Variants in CDH18 observed in about 807,000 individuals in gnomAD.
The protein encoded by CDH18 is cadherin 18, also known as cadherin-18.
In CDH18, 31 loss-of-function variants were observed where a neutral mutation model predicts 67.9. The ratio of observed to expected loss-of-function variants is 0.46; its 90% CI spans 0.34 to 0.62. CDH18 has a LOEUF of 0.62. CDH18 is among the 20% of genes least tolerant of loss of function. CDH18 has a pLI of 0.01. For missense variants in CDH18, 890 were observed against 975.5 expected, an observed-to-expected ratio of 0.91 and a Z score of 1.17; for synonymous variants, 362 against 347.2, an observed-to-expected ratio of 1.04 and a Z score of -0.48.
intron 1 of CDH18, among the ~76,000 whole-genome samples, chr5:20,480,768 T>C (rs1439705065): frequency 1.3e-5 from 2 of 152,182 alleles, no homozygotes; most frequent in Non-Finnish European, 1.5e-5. Context: ...TCAGCATTAC[T>C]TTTTCATCAG....
At chr5:20,524,407 A>G (rs1351141479) in intron 1 of CDH18, among the ~76,000 whole-genome samples, 1 of 152,202 alleles carries the variant, frequency 6.6e-6, no homozygotes, top group Non-Finnish European at 1.5e-5. Context: ...TCAATTTGTT[A>G]TGGACATTAT....
chr5:19,948,015 G>A (rs188111513), intron 2 of CDH18, among the ~76,000 whole-genome samples: 78 of 152,248 alleles, frequency 5.1e-4, no homozygotes, highest in Admixed American at 8.5e-4. Context: ...CAGTGAGTAC[G>A]TAAGCATTGA....
chr5:19,911,679 C>A (rs1204668012), intron 2 of CDH18, among the ~76,000 whole-genome samples: 2 of 151,286 alleles, frequency 1.3e-5, no homozygotes, highest in African/African-American at 2.4e-5. Flanking sequence ...CACCAGGAAC[C>A]AAATCCACCA....
intron 1 of CDH18, among the ~76,000 whole-genome samples, chr5:20,537,185 A>T (rs1756771950): frequency 6.6e-6 from 1 of 152,160 alleles, no homozygotes; most frequent in Non-Finnish European, 1.5e-5. Flanking sequence ...TAATTTTTTC[A>T]TGCACATATT....
chr5:20,541,034 G>A (rs977886397), intron 1 of CDH18, among the ~76,000 whole-genome samples: 1 of 152,142 alleles, frequency 6.6e-6, no homozygotes. Context: ...GTAGGGCTAC[G>A]TGCTATTTGG....
intron 1 of CDH18, among the ~76,000 whole-genome samples, chr5:20,323,807 A>C (rs1449547928): frequency 6.6e-6 from 1 of 152,222 alleles, no homozygotes; most frequent in Non-Finnish European, 1.5e-5. Context: ...TAAGCACCAG[A>C]GACATTATAG....
intron 5 of CDH18, among the ~76,000 whole-genome samples, chr5:19,661,130 GA>G (rs996482061): frequency 4.1e-5 from 6 of 146,674 alleles, no homozygotes; most frequent in East Asian, 2.1e-4. Flanking sequence ...ATTAGGCTTT[GA>G]AAAAAAAAAG....
At chr5:19,623,566 C>T (rs374930907) in intron 5 of CDH18, among the ~76,000 whole-genome samples, 1 of 151,870 alleles carries the variant, frequency 6.6e-6, no homozygotes, top group East Asian at 1.9e-4. Context: ...TATTCATTGG[C>T]ATATTTTTAT....
intron 7 of CDH18, among the ~76,000 whole-genome samples, chr5:19,590,400 A>G (rs1236285681): frequency 6.6e-6 from 1 of 152,076 alleles, no homozygotes; most frequent in Non-Finnish European, 1.5e-5. Flanking sequence ...AATCAATATA[A>G]AATTATAATT....
chr5:20,564,062 A>T (rs1181036837), intron 1 of CDH18, among the ~76,000 whole-genome samples: 1 of 152,002 alleles, frequency 6.6e-6, no homozygotes, highest in African/African-American at 2.4e-5. Context: ...TCAAAGACTT[A>T]TTCACAACAT....
chr5:20,262,346 A>C (rs1744716322), intron 1 of CDH18, among the ~76,000 whole-genome samples: 1 of 152,234 alleles, frequency 6.6e-6, no homozygotes, highest in African/African-American at 2.4e-5. Flanking sequence ...AGTCCTCTTC[A>C]ATATGTTTTC....
intron 2 of CDH18, among the ~76,000 whole-genome samples, chr5:20,114,613 A>T (rs1343208863): frequency 1.3e-5 from 2 of 152,140 alleles, no homozygotes; most frequent in Non-Finnish European, 2.9e-5. Context: ...TGGAAGAAAA[A>T]AATCATTTTA....
chr5:20,157,856 G>A (rs1165734952), intron 2 of CDH18, among the ~76,000 whole-genome samples: 1 of 151,992 alleles, frequency 6.6e-6, no homozygotes, highest in Non-Finnish European at 1.5e-5. Flanking sequence ...TGGCCAGGAT[G>A]GTCTCGATCT....
rs375797486 is a variant in CDH18, at chr5:19,591,397, T to C, written c.812-153A>G. ...TTTAGATTTTAAAAGTAGACTATTT[T>C]GTAATTAAATACTAGATTTATATAA... On this transcript the variant is annotated intron_variant, in intron 6 of 12. Coordinates refer to ENST00000382275, the MANE Select transcript of CDH18 (RefSeq NM_004934.5). Among the ~76,000 whole-genome samples the C allele has an allele frequency of 2.8e-4, 42 of 152,256 alleles. 1 individual carries two copies. The highest frequency in any genetic ancestry group is 8.4e-4 in the African/African-American group (35 of 41,586).
chr5:19,734,996 T>A (rs1427474480), intron 4 of CDH18, among the ~76,000 whole-genome samples: 1 of 152,182 alleles, frequency 6.6e-6, no homozygotes, highest in African/African-American at 2.4e-5. Flanking sequence ...CTGGTGTGGC[T>A]TTGTTGCAAG....
chr5:20,034,342 G>A (rs560460280), intron 2 of CDH18, among the ~76,000 whole-genome samples: 138 of 152,016 alleles, frequency 9.1e-4, no homozygotes, highest in South Asian at 4.3e-3. Context: ...ATATAGCCTG[G>A]CTTGTTTTTA....
At chr5:19,989,439 C>A (rs190861064), upstream of CDH18, among the ~76,000 whole-genome samples, 3 of 152,128 alleles carry the variant, frequency 2.0e-5, no homozygotes, top group Non-Finnish European at 4.4e-5. Context: ...TGGGACATAC[C>A]TTTACATGTG....
rs185033324 is a variant in CDH18, at chr5:19,889,033, T to C, written c.-256-49791A>G. ...AGTATTTGCACATAATATATGCACATCCTCCCATATACTTCAAATCATCAT... is the reference window on the plus strand; with the variant it reads ...AGTATTTGCACATAATATATGCACACCCTCCCATATACTTCAAATCATCAT... On this transcript the variant is annotated intron_variant, in intron 2 of 12. Transcript: ENST00000382275. Among the ~76,000 whole-genome samples the C allele has an allele frequency of 2.0e-4, 30 of 152,232 alleles. No individual in the cohort carries two copies. The East Asian group carries it at 5.2e-3, about 26-fold the overall frequency.
intron 1 of CDH18, among the ~76,000 whole-genome samples, chr5:20,549,454 A>C (rs1757517135): frequency 6.6e-6 from 1 of 152,164 alleles, no homozygotes; most frequent in Admixed American, 6.6e-5. Flanking sequence ...CAAAGACTTC[A>C]ATATCTGTGG....
Sources: allele counts gnomAD v4.1 joint callset (sites outside exome capture counted in the v4.1 genomes callset), GRCh38; gene constraint gnomAD v4.1.1; transcripts MANE v1.5; gene names NCBI Gene and HGNC (gene_info 2026-07-23, HGNC 2026-07-21).